ARHGAP15: variants seen among roughly 807,000 people sequenced by gnomAD.
ARHGAP15 encodes Rho GTPase activating protein 15, also known as rho GTPase-activating protein 15.
ARHGAP15 carries 51 observed loss-of-function variants against 63.7 expected under a neutral mutation model. That is an observed-to-expected ratio of 0.80 (90% confidence interval 0.64 to 1.01). The LOEUF (loss-of-function observed/expected upper bound fraction) is 1.01. ARHGAP15 is among the 50% of genes least tolerant of loss of function. ARHGAP15 has a pLI of 0.00. For missense variants in ARHGAP15, 560 were observed against 564.6 expected (o/e 0.99, Z 0.08); for synonymous variants, 191 against 193.8 (o/e 0.99, Z 0.12).
intron 13 of ARHGAP15, among the ~76,000 whole-genome samples, chr2:143,731,838 T>C (rs185888622): frequency 3.3e-4 from 50 of 152,310 alleles, no homozygotes; most frequent in Admixed American, 2.1e-3. Flanking sequence ...ATGTTCTCAA[T>C]TCAACAACCA....
At chr2:143,553,889 C>T (rs2105080331) in intron 10 of ARHGAP15, among the ~76,000 whole-genome samples, 2 of 152,190 alleles carry the variant, frequency 1.3e-5, no homozygotes, top group Middle Eastern at 3.4e-3. Context: ...AGGAAGAGTG[C>T]TAACTTCAAA....
chr2:143,262,535 A>ATTTTTTTTC (rs1680774986), intron 6 of ARHGAP15, among the ~76,000 whole-genome samples: 1 of 90,924 alleles, frequency 1.1e-5, no homozygotes, highest in Non-Finnish European at 2.1e-5. Context: ...TGAACCTTTG[A>ATTTTTTTTC]TTTTTTTTTT....
intron 6 of ARHGAP15, among the ~76,000 whole-genome samples, chr2:143,415,298 T>C (rs1688627025): frequency 6.6e-6 from 1 of 152,070 alleles, no homozygotes; most frequent in Non-Finnish European, 1.5e-5. Context: ...AAATGACTTA[T>C]GTAAACAAAT....
chr2:143,178,184 G>A (rs1288623953), intron 2 of ARHGAP15, among the ~76,000 whole-genome samples: 1 of 152,170 alleles, frequency 6.6e-6, no homozygotes, highest in Non-Finnish European at 1.5e-5. Flanking sequence ...GATTTATTAT[G>A]CCGCACCATA....
intron 6 of ARHGAP15, among the ~76,000 whole-genome samples, chr2:143,328,383 A>C (rs983195148): frequency 6.6e-6 from 1 of 152,226 alleles, no homozygotes; most frequent in South Asian, 2.1e-4. Context: ...AATGTGGCAC[A>C]TATACACCAT....
intron 11 of ARHGAP15, among the ~76,000 whole-genome samples, chr2:143,592,252 C>T (rs1697350006): frequency 6.6e-6 from 1 of 152,136 alleles, no homozygotes. Context: ...CATAACTCAG[C>T]AAGAAATTAT....
intron 5 of ARHGAP15, among the ~76,000 whole-genome samples, chr2:143,246,435 G>A (rs769812818): frequency 1.3e-5 from 2 of 151,688 alleles, no homozygotes; most frequent in Non-Finnish European, 2.9e-5. Context: ...CATTTCGTGG[G>A]GTGGACTCAT....
At chr2:143,596,394 G>A (rs1697520473) in intron 11 of ARHGAP15, among the ~76,000 whole-genome samples, 1 of 152,110 alleles carries the variant, frequency 6.6e-6, no homozygotes, top group East Asian at 1.9e-4. Context: ...AAACAGGGTT[G>A]ATGGAATCAG....
intron 12 of ARHGAP15, among the ~76,000 whole-genome samples, chr2:143,692,612 T>C (rs1996447): frequency 6.6e-6 from 1 of 152,066 alleles, no homozygotes; most frequent in Admixed American, 6.6e-5. Context: ...TTTAAACCAG[T>C]GTAGCCCTTC....
intron 1 of ARHGAP15, among the ~76,000 whole-genome samples, chr2:143,141,408 C>A (rs1411817731): frequency 2.0e-5 from 3 of 152,138 alleles, no homozygotes; most frequent in African/African-American, 7.2e-5. Context: ...AGCAACAACA[C>A]TGACAAATAC....
At chr2:143,314,644 C>CT (rs1360610827) in intron 6 of ARHGAP15, 1 of 152,146 alleles carries the variant, frequency 6.6e-6, no homozygotes, top group African/African-American at 2.4e-5. Context: ...TTATACATCT[C>CT]TTAAGTTTTT....
intron 6 of ARHGAP15, among the ~76,000 whole-genome samples, chr2:143,346,234 T>TCA (rs1558909751): frequency 1.3e-5 from 1 of 79,058 alleles, no homozygotes; most frequent in African/African-American, 5.4e-5. Context: ...ACACACTCTC[T>TCA]CTCACACACA....
intron 6 of ARHGAP15, among the ~76,000 whole-genome samples, chr2:143,326,361 T>C (rs1217503771): frequency 1.3e-5 from 2 of 152,156 alleles, no homozygotes; most frequent in Non-Finnish European, 2.9e-5. Context: ...AAAATGGAAG[T>C]TCAGAGAGTT....
At chr2:143,588,309 A>T (rs1392214541) in intron 11 of ARHGAP15, among the ~76,000 whole-genome samples, 1 of 151,922 alleles carries the variant, frequency 6.6e-6, no homozygotes, top group Non-Finnish European at 1.5e-5. Flanking sequence ...TTAATGGCAT[A>T]CTCCACTGCA....
At chr2:143,194,257 G>A (rs1457132074) in intron 2 of ARHGAP15, among the ~76,000 whole-genome samples, 2 of 152,082 alleles carry the variant, frequency 1.3e-5, no homozygotes, top group Non-Finnish European at 2.9e-5. Flanking sequence ...GACTTTAGTT[G>A]TGGATAAAAT....
intron 13 of ARHGAP15, among the ~76,000 whole-genome samples, chr2:143,713,219 G>T (rs755973303): frequency 6.6e-6 from 1 of 152,126 alleles, no homozygotes; most frequent in Non-Finnish European, 1.5e-5. Flanking sequence ...CAGAATCATG[G>T]CGGGAGGCAA....
chr2:143,289,253 A>G (rs949627986), intron 6 of ARHGAP15, among the ~76,000 whole-genome samples: 11 of 152,154 alleles, frequency 7.2e-5, no homozygotes, highest in Non-Finnish European at 1.3e-4. Flanking sequence ...TGACAAACCA[A>G]ATTGGAACAA....
intron 9 of ARHGAP15, among the ~76,000 whole-genome samples, chr2:143,492,974 C>T (rs779586322): frequency 6.6e-6 from 1 of 151,842 alleles, no homozygotes; most frequent in Non-Finnish European, 1.5e-5. Context: ...ACGAGAATGG[C>T]GTGAACCCCT....
At chr2:143,312,193 G>A (rs912623678) in intron 6 of ARHGAP15, among the ~76,000 whole-genome samples, 4 of 152,108 alleles carry the variant, frequency 2.6e-5, no homozygotes, top group African/African-American at 9.7e-5. Context: ...TAGGAAAAAA[G>A]ATTTATCTTT....
Sources: allele counts gnomAD v4.1 joint callset (sites outside exome capture counted in the v4.1 genomes callset), GRCh38; gene constraint gnomAD v4.1.1; transcripts MANE v1.5; gene names NCBI Gene and HGNC (gene_info 2026-07-23, HGNC 2026-07-21).